BRCC3: variants seen among roughly 807,000 people sequenced by gnomAD.
The protein encoded by BRCC3 is BRCA1/BRCA2-containing complex subunit 3.
BRCC3 carries 15 observed loss-of-function variants against 28.0 expected under a neutral mutation model. The observed-to-expected ratio is 0.54, with a 90% CI of 0.36 to 0.82. BRCC3 has a LOEUF of 0.82. BRCC3 is among the 40% of genes least tolerant of loss of function. The pLI is 0.01. For synonymous variants in BRCC3, 66 were observed against 80.3 expected (o/e 0.82, Z 0.95); for missense variants, 109 against 225.9 (o/e 0.48, Z 3.32).
chrX:155,077,640 T>C (rs1200057550), intron 4 of BRCC3, among the ~76,000 whole-genome samples: 2 of 111,495 alleles, frequency 1.8e-5, no homozygotes, highest in African/African-American at 6.5e-5. Context: ...CCATTTACTA[T>C]CTTGGTCTCT....
At chrX:155,086,705 G>A (rs2074132587) in intron 5 of BRCC3, among the ~76,000 whole-genome samples, 1 of 111,757 alleles carries the variant, frequency 8.9e-6, no homozygotes, top group Admixed American at 9.4e-5. Context: ...AAAGCACGCA[G>A]CCTCGTGCAA....
intron 7 of BRCC3, among the ~76,000 whole-genome samples, chrX:155,095,552 C>T (rs1246018710): frequency 2.7e-5 from 3 of 111,755 alleles, no homozygotes; most frequent in African/African-American, 9.8e-5. Context: ...TCATCCACCT[C>T]GGCCTCCCAA....
intron 2 of BRCC3, among the ~76,000 whole-genome samples, chrX:155,072,769 G>A (rs957598382): frequency 9.1e-6 from 1 of 109,392 alleles, no homozygotes; most frequent in African/African-American, 3.3e-5. Context: ...ATGTTGGCCA[G>A]GCTGGTCTCG....
At chrX:155,082,199 G>A (rs1347904387) in intron 5 of BRCC3, among the ~76,000 whole-genome samples, 1 of 112,185 alleles carries the variant, frequency 8.9e-6, no homozygotes, top group Admixed American at 9.4e-5. Context: ...AAAAGGCATA[G>A]TAACTAAGGA....
intron 3 of BRCC3, among the ~76,000 whole-genome samples, chrX:155,075,269 G>GCCT: frequency 9.0e-6 from 1 of 110,540 alleles, no homozygotes. Flanking sequence ...TTCAACATCT[G>GCCT]ATAATGCTAA....
intron 7 of BRCC3, among the ~76,000 whole-genome samples, chrX:155,113,935 T>G (rs1602808860): frequency 9.0e-6 from 1 of 111,730 alleles, no homozygotes; most frequent in Admixed American, 9.5e-5. Context: ...CTCACACCCA[T>G]TATGACAGCT....
rs2074389963 is a variant in BRCC3, at chrX:155,121,862, C to T, written c.*658C>T. The T allele has an allele frequency of 8.9e-6, 1 of 112,298 alleles. No individual in the cohort carries two copies. The highest frequency in any genetic ancestry group is 3.7e-4 in the South Asian group (1 of 2,730). 9.3% of individuals were successfully genotyped at this position (112,298 alleles called of 1,213,427 possible). ...TCAACTGAAGTCAGGCATGGTAGCT[C>T]ATGCTTGTAATCTCACCACTTTGGG... is the stretch of plus-strand genomic sequence containing the variant. On this transcript the variant is annotated 3_prime_UTR_variant, in exon 11 of 11. Coordinates refer to ENST00000330045, the MANE Select transcript of BRCC3 (RefSeq NM_001018055.3).
chrX:155,074,838 C>G lies in BRCC3; in HGVS notation c.195+1407C>G, dbSNP rs138926382. Among the ~76,000 whole-genome samples, 693 of 111,486 alleles carry G rather than the reference C, an allele frequency of 6.2e-3. 5 individuals are homozygous for G. Among genetic ancestry groups the G allele is most frequent in the African/African-American group, 0.021 (649 of 30,709 alleles). On this transcript the variant is annotated intron_variant, in intron 3 of 10. Coordinates refer to ENST00000330045, the MANE Select transcript of BRCC3 (RefSeq NM_001018055.3). ...GTATACTAATATTTAAAATGTGTCTCTTGTGTCTCTTATTAGTGGTAAATA... is the reference window on the plus strand; with the variant it reads ...GTATACTAATATTTAAAATGTGTCTGTTGTGTCTCTTATTAGTGGTAAATA...
chrX:155,117,008 T>C (rs1251283808), intron 9 of BRCC3, among the ~76,000 whole-genome samples: 5 of 112,094 alleles, frequency 4.5e-5, no homozygotes, highest in Non-Finnish European at 9.4e-5. Flanking sequence ...ACCTACTCAG[T>C]GATATACTGG....
chrX:155,084,965 G>A (rs1434184765), intron 5 of BRCC3, among the ~76,000 whole-genome samples: 1 of 111,760 alleles, frequency 8.9e-6, no homozygotes, highest in African/African-American at 3.3e-5. Context: ...GCAAGACCTC[G>A]TCTCTTAAAA....
intron 4 of BRCC3, among the ~76,000 whole-genome samples, chrX:155,078,081 C>T (rs1450387862): frequency 3.6e-5 from 4 of 112,570 alleles, no homozygotes; most frequent in Admixed American, 9.4e-5. Context: ...TGGATTATTG[C>T]ACTTACTCTT....
chrX:155,091,182 T>C (rs1417644351), intron 7 of BRCC3, among the ~76,000 whole-genome samples: 1 of 112,432 alleles, frequency 8.9e-6, no homozygotes, highest in African/African-American at 3.2e-5. Context: ...TAGATTTGTA[T>C]AGATTCTTGT....
At chrX:155,114,735 T>TA (rs35853303) in intron 7 of BRCC3, among the ~76,000 whole-genome samples, 13 of 102,891 alleles carry the variant, frequency 1.3e-4, no homozygotes, top group Non-Finnish European at 2.0e-4. Flanking sequence ...AGCAAAGAGT[T>TA]AAAAAAAAAA....
At chrX:155,105,207 G>A (rs1557297316) in intron 7 of BRCC3, among the ~76,000 whole-genome samples, 1 of 112,145 alleles carries the variant, frequency 8.9e-6, no homozygotes, top group African/African-American at 3.2e-5. Flanking sequence ...TGTTAGGTGG[G>A]CACAGTGGCT....
At chrX:155,117,297 T>G (rs1156887023) in intron 9 of BRCC3, among the ~76,000 whole-genome samples, 2 of 111,978 alleles carry the variant, frequency 1.8e-5, no homozygotes, top group African/African-American at 3.2e-5. Flanking sequence ...GAAAATCTTT[T>G]GATGTCAATA....
chrX:155,086,958 A>G (rs782158435), intron 5 of BRCC3, among the ~76,000 whole-genome samples: 7 of 111,973 alleles, frequency 6.3e-5, no homozygotes, highest in Non-Finnish European at 1.1e-4. Flanking sequence ...TTTCACTCAG[A>G]GAGAAGGAAA....
At chrX:155,089,202 TCAATAAGCTGTGAGACACAGCTTATTGA>T in intron 5 of BRCC3, 33 bp from the exon 6 acceptor site, 1 of 773,607 alleles carries the variant, frequency 1.3e-6, no homozygotes, top group Non-Finnish European at 1.9e-6. Flanking sequence ...AATCTTTAAA[TCAATAAGCTGTGAGACACAGCTTATTGA>T]CAGAAGATTT....
intron 3 of BRCC3, 130 bp from the exon 4 acceptor site, chrX:155,077,040 T>C: frequency 3.7e-6 from 2 of 542,378 alleles, no homozygotes; most frequent in Non-Finnish European, 5.0e-6. Flanking sequence ...TCATTATTCG[T>C]GAGAAAAGTG....
At chrX:155,101,260 C>G (rs2074245378) in intron 7 of BRCC3, among the ~76,000 whole-genome samples, 1 of 111,146 alleles carries the variant, frequency 9.0e-6, no homozygotes, top group Non-Finnish European at 1.9e-5. Context: ...TTAAAGTATA[C>G]AGGAGGATGA....
Sources: allele counts gnomAD v4.1 joint callset (sites outside exome capture counted in the v4.1 genomes callset), GRCh38; gene constraint gnomAD v4.1.1; transcripts MANE v1.5; gene names NCBI Gene and HGNC (gene_info 2026-07-23, HGNC 2026-07-21).